The following FGF11 variants were observed in gnomAD, a reference collection of about 807,000 sequenced individuals.
FGF11 encodes fibroblast growth factor homologous factor 3.
In FGF11, 25 loss-of-function variants were observed where a neutral mutation model predicts 25.1. That is an observed-to-expected ratio of 1.00 (90% confidence interval 0.73 to 1.39). The LOEUF (loss-of-function observed/expected upper bound fraction) is 1.39. Among genes scored for constraint, FGF11 ranks in the 40% most tolerant of loss-of-function variants. The pLI, the probability that FGF11 is intolerant of heterozygous loss-of-function variation, is 0.00. For synonymous variants in FGF11, 130 were observed against 128.9 expected, an observed-to-expected ratio of 1.01 and a Z score of -0.06; for missense variants, 320 against 311.0, an observed-to-expected ratio of 1.03 and a Z score of -0.22.
At chr17:7,441,951 G>T in intron 3 of FGF11, 72 bp downstream of exon 3, 1 of 1,164,934 alleles carries the variant, frequency 8.6e-7, no homozygotes, top group Admixed American at 2.5e-5. Context: ...TTGAGGGAAT[G>T]ACAACCTTCC....
intron 4 of FGF11, 73 bp from the exon 5 acceptor site, chr17:7,443,003 G>T: frequency 7.7e-7 from 1 of 1,297,950 alleles, no homozygotes; most frequent in Non-Finnish European, 1.1e-6. Context: ...GAGCCCTTTT[G>T]GAGCACTGGT....
chr17:7,439,926 G>A, intron 1 of FGF11, 113 bp downstream of exon 1: 1 of 878,088 alleles, frequency 1.1e-6, no homozygotes, highest in Non-Finnish European at 1.6e-6. Context: ...AAGTGGAAGG[G>A]GGTGGGCCAG....
Position 7,442,704 on chromosome 17 carries a change from C to T in FGF11, c.519C>T (p.Leu173=), listed in dbSNP as rs1282024199. 4.3e-6 allele frequency: 7 copies of T among 1,614,036 alleles called. No homozygotes were observed. The highest frequency in any genetic ancestry group is 3.3e-5 in the Admixed American group (2 of 60,000). The change falls in exon 4 of 5, where the codon CTC becomes CTT. Residue 173 remains leucine (L), a synonymous_variant. Coordinates refer to ENST00000293829, the MANE Select transcript of FGF11 (RefSeq NM_004112.4). ...GTCGTTCTGGCCGGGCCTGGTACCT[C>T]GGCCTGGACAAGGAGGGCCAGGTCA... The part of the protein sequence containing the change: ...RQRRSGRAWY[L]GLDKEGQVMK...
chr17:7,440,444 CG>C lies in FGF11; in HGVS notation c.193+634del, dbSNP rs1908267699. Reference sequence around the variant, plus strand: ...CATAACCCCCGCGCCACTCCGAAATCGGGTCCCGTAGGCTCAGGGGACCCTA... The same window carrying C: ...CATAACCCCCGCGCCACTCCGAAATCGGTCCCGTAGGCTCAGGGGACCCTA... On this transcript the variant is annotated intron_variant, in intron 1 of 4. Transcript: ENST00000293829. This position sits in a 1 kb window ranked among gnomAD's most constrained non-coding sequence, Gnocchi z 5.4. 6.4e-6 allele frequency: 1 copy of C among 156,452 alleles called. No individual in the cohort carries two copies. Among genetic ancestry groups the C allele is most frequent in the African/African-American group, 2.4e-5 (1 of 41,466 alleles). 9.7% of individuals were successfully genotyped at this position (156,452 alleles called of 1,614,324 possible).
At position 7,440,005 on chromosome 17, in the gene FGF11, T is replaced by C; in HGVS notation, c.193+192T>C. ...TTTTGTCCATAACCCGGAGTCTCCTTATTTTCGAGGTCAAGGGGAAGGCTT... is the reference window on the plus strand; with the variant it reads ...TTTTGTCCATAACCCGGAGTCTCCTCATTTTCGAGGTCAAGGGGAAGGCTT... On this transcript the variant is annotated intron_variant, in intron 1 of 4. Transcript: ENST00000293829. This position sits in a 1 kb window ranked among gnomAD's most constrained non-coding sequence, Gnocchi z 5.4. 4 of 446,866 alleles carry C rather than the reference T, an allele frequency of 9.0e-6. No homozygotes were observed. Among genetic ancestry groups the C allele is most frequent in the Non-Finnish European group, 1.1e-5 (3 of 263,252 alleles). The allele number at this position is 446,866 out of a possible 1,614,324, so 27.7% of individuals were successfully genotyped here. A position where few individuals can be genotyped will look rare whatever the true frequency, so the allele number is the denominator to read the frequency against.
At chr17:7,442,298 C>G (rs1034780133) in intron 3 of FGF11, 28 of 433,776 alleles carry the variant, frequency 6.5e-5, no homozygotes, top group African/African-American at 4.3e-4. Context: ...GTGACAGGGT[C>G]TTGCTATGTT....
chr17:7,439,615 G>T lies in FGF11; in HGVS notation c.-6G>T. On this transcript the variant is annotated 5_prime_UTR_variant, in exon 1 of 5. Transcript: ENST00000293829. Reference sequence around the variant, plus strand: ...CCGGTTTGGGGGTGTCTCCTCCCGGGGCGCTATGGCGGCGCTGGCCAGTAG... The same window carrying T: ...CCGGTTTGGGGGTGTCTCCTCCCGGTGCGCTATGGCGGCGCTGGCCAGTAG... 1 of 1,422,290 alleles carries T rather than the reference G, an allele frequency of 7.0e-7. No individual in the cohort carries two copies. The highest frequency in any genetic ancestry group is 9.1e-7 in the Non-Finnish European group (1 of 1,097,150). The allele number at this position is 1,422,290 out of a possible 1,614,324, so 88.1% of individuals were successfully genotyped here.
At chr17:7,438,457 T>A (rs578162905), upstream of FGF11, 1 of 153,594 alleles carries the variant, frequency 6.5e-6, no homozygotes, top group South Asian at 1.8e-4. Flanking sequence ...AAGCTCCGTT[T>A]GCGGGGGACA....
chr17:7,442,770 C>T lies in FGF11; in HGVS notation c.585C>T (p.His195=). 1 of 1,614,086 alleles carries T rather than the reference C, an allele frequency of 6.2e-7. No individual in the cohort carries two copies. The highest frequency in any genetic ancestry group is 1.3e-5 in the African/African-American group (1 of 75,044). ...TTAAGAAGACCAAGGCAGCTGCCCA[C>T]TTTCTGCCCAAGCTCCTGGAGGGTG... ...NRVKKTKAAA[H]FLPKLLEVAM... is the part of the protein sequence containing the mutation. Residue 195 remains histidine (H), a synonymous_variant, in exon 4 of 5, where the codon CAC becomes CAT. Transcript: ENST00000293829.
rs1908513497 is a variant in FGF11 at position 7,444,815 on chromosome 17, A to T, written c.*1669A>T. 1 of 510,928 alleles carries T rather than the reference A, an allele frequency of 2.0e-6. No individual in the cohort carries two copies. The highest frequency in any genetic ancestry group is 3.5e-6 in the Non-Finnish European group (1 of 282,476). The allele number at this position is 510,928 out of a possible 1,614,324, so 31.6% of individuals were successfully genotyped here. ...TGTTCTACTTCTGGCTTGTTGCAAGAGGAGTAGATGCCCCCTCACCCACAC... is the reference window on the plus strand; with the variant it reads ...TGTTCTACTTCTGGCTTGTTGCAAGTGGAGTAGATGCCCCCTCACCCACAC... On this transcript the variant is annotated 3_prime_UTR_variant, in exon 5 of 5. Coordinates refer to ENST00000293829, the MANE Select transcript of FGF11 (RefSeq NM_004112.4).
intron 3 of FGF11, 83 bp downstream of exon 3, chr17:7,441,962 T>G: frequency 7.6e-6 from 8 of 1,058,058 alleles, no homozygotes; most frequent in Non-Finnish European, 1.1e-5. Context: ...ACAACCTTCC[T>G]CAACTACAGA....
chr17:7,442,203 T>C (rs1274698958), intron 3 of FGF11: 2 of 350,818 alleles, frequency 5.7e-6, no homozygotes, highest in Admixed American at 9.0e-5. Flanking sequence ...GGATAGGGGA[T>C]AGTGAGAGAC....
Position 7,441,823 on chromosome 17 carries a change from A to C in FGF11, c.352A>C (p.Ser118Arg), listed in dbSNP as rs764315658. Residue 118 changes from serine to arginine, a missense_variant, in exon 3 of 5, where the codon AGC (serine) becomes CGC (arginine). Physicochemically the swap from Ser to Arg is moderately radical, Grantham distance 110. Coordinates refer to ENST00000293829, the MANE Select transcript of FGF11 (RefSeq NM_004112.4). ...PVGLRVVTIQSAKLGHYMAMN... is the reference protein window; with the variant it reads ...PVGLRVVTIQRAKLGHYMAMN... ...GGGCCTCCGTGTGGTCACCATCCAG[A>C]GCGCCAAGCTGGGTCACTACATGGC... is the stretch of plus-strand genomic sequence containing the variant. 4 of 1,612,708 alleles carry C rather than the reference A, an allele frequency of 2.5e-6. No individual in the cohort carries two copies. In the East Asian group the frequency reaches 8.9e-5, roughly 36 times the overall value.
rs981639127 is a variant in FGF11 at position 7,440,036 on chromosome 17, G to C, written c.193+223G>C. On this transcript the variant is annotated intron_variant, in intron 1 of 4. Coordinates refer to ENST00000293829, the MANE Select transcript of FGF11 (RefSeq NM_004112.4). The surrounding 1 kb of genome is among the most constrained non-coding windows in gnomAD (Gnocchi z 5.4). ...CGAGGTCAAGGGGAAGGCTTGAGGGGCTGCCTGGCGCCCCGAAAGCCTCGT... is the reference window on the plus strand; with the variant it reads ...CGAGGTCAAGGGGAAGGCTTGAGGGCCTGCCTGGCGCCCCGAAAGCCTCGT... The C allele has an allele frequency of 2.5e-5, 10 of 403,168 alleles. No homozygotes were observed. Among genetic ancestry groups the C allele is most frequent in the African/African-American group, 2.1e-4 (10 of 48,500 alleles). The allele number at this position is 403,168 out of a possible 1,614,324, so 25.0% of individuals were successfully genotyped here.
Position 7,443,348 on chromosome 17 carries a change from G to T in FGF11, c.*202G>T. Reference sequence around the variant, plus strand: ...GAGACCCTTAGATCTTTGGGCCTAGGAGGGAGTCAGAGAGGGGGATGTCTG... The same window carrying T: ...GAGACCCTTAGATCTTTGGGCCTAGTAGGGAGTCAGAGAGGGGGATGTCTG... On this transcript the variant is annotated 3_prime_UTR_variant, in exon 5 of 5. Transcript: ENST00000293829. 1 of 519,462 alleles carries T rather than the reference G, an allele frequency of 1.9e-6. No individual in the cohort carries two copies. Among genetic ancestry groups the T allele is most frequent in the Non-Finnish European group, 3.4e-6 (1 of 294,814 alleles). The allele number at this position is 519,462 out of a possible 1,614,324, so 32.2% of individuals were successfully genotyped here.
intron 3 of FGF11, 27 bp from the exon 4 acceptor site, chr17:7,442,567 C>A: frequency 1.2e-6 from 2 of 1,613,684 alleles, no homozygotes; most frequent in Non-Finnish European, 8.5e-7. Flanking sequence ...TGTCTTTGTG[C>A]GCCTTTCTGG....
At chr17:7,441,329 G>C in intron 1 of FGF11, 142 bp from the exon 2 acceptor site, 1 of 1,128,778 alleles carries the variant, frequency 8.9e-7, no homozygotes, top group Non-Finnish European at 1.2e-6. Flanking sequence ...GGGAGAGAGC[G>C]TGCTTGGAGG....
In FGF11 at chr17:7,439,776, G is replaced by C. The variant is rs759274845; in HGVS notation, c.156G>C (p.Leu52=). 5 of 1,499,902 alleles carry C rather than the reference G, an allele frequency of 3.3e-6. No individual in the cohort carries two copies. The African/African-American group carries it at 7.3e-5, about 22-fold the overall frequency. 92.9% of individuals were successfully genotyped at this position (1,499,902 alleles called of 1,614,324 possible). A position where few individuals can be genotyped will look rare whatever the true frequency, so the allele number is the denominator to read the frequency against. The change falls in exon 1 of 5, where the codon CTG becomes CTC. Residue 52 remains leucine, a synonymous_variant. Coordinates refer to ENST00000293829, the MANE Select transcript of FGF11 (RefSeq NM_004112.4). ...TCATCCTGCTGTCCAAGGTGCGACT[G>C]TGCGGGGGGCGGCCCGCGCGGCCGG... ...QLLILLSKVR[L]CGGRPARPDR...
At chr17:7,439,359 A>C, upstream of FGF11, 3 of 358,898 alleles carry the variant, frequency 8.4e-6, no homozygotes, top group Non-Finnish European at 1.5e-5. Flanking sequence ...AATAGGAGGC[A>C]AAACTCGAGG....
Sources: gnomAD v4.1 joint callset for allele counts on GRCh38, gnomAD v4.1.1 for gene constraint, Gnocchi (gnomAD v3.1) non-coding constraint, MANE v1.5 for transcripts, NCBI Gene and HGNC (gene_info 2026-07-23, HGNC 2026-07-21) for gene names.